Variants in DNAH9 observed in about 807,000 individuals in gnomAD.
The protein encoded by DNAH9 is dynein axonemal heavy chain 9.
Under a neutral mutation model 471.6 loss-of-function variants are expected in DNAH9, and 345 were observed. The observed-to-expected ratio is 0.73, with a 90% CI of 0.67 to 0.80. The LOEUF is 0.80. Among genes scored for constraint, DNAH9 ranks in the 30% least tolerant of loss-of-function variants. DNAH9 has a pLI of 0.00. For synonymous variants in DNAH9, 2,093 were observed against 2,123.6 expected, an observed-to-expected ratio of 0.99 and a Z score of 0.40; for missense variants, 5,407 against 5,609.2, an observed-to-expected ratio of 0.96 and a Z score of 1.15.
intron 14 of DNAH9, among the ~76,000 whole-genome samples, chr17:11,663,683 A>G (rs954891607): frequency 2.6e-5 from 4 of 152,254 alleles, no homozygotes; most frequent in African/African-American, 9.6e-5. Flanking sequence ...GAGGCAGTAA[A>G]CAAAGGTGAA....
chr17:11,640,462 C>T (rs1019624691), intron 10 of DNAH9, 78 bp downstream of exon 10: 5 of 986,970 alleles, frequency 5.1e-6, no homozygotes, highest in African/African-American at 1.6e-5. Flanking sequence ...TGTAGAAATG[C>T]AACCTGCTTA....
At chr17:11,964,287 C>T (rs1280405042) in intron 68 of DNAH9, among the ~76,000 whole-genome samples, 2 of 152,122 alleles carry the variant, frequency 1.3e-5, no homozygotes, top group African/African-American at 2.4e-5. Flanking sequence ...CAAGCCACAG[C>T]TATTAATAGA....
intron 53 of DNAH9, among the ~76,000 whole-genome samples, chr17:11,878,534 G>A (rs940413817): frequency 2.0e-5 from 3 of 149,766 alleles, no homozygotes; most frequent in Non-Finnish European, 4.4e-5. Context: ...TACATTTTTA[G>A]TTTTTAGTTT....
intron 49 of DNAH9, among the ~76,000 whole-genome samples, chr17:11,836,331 A>G (rs1352677696): frequency 2.9e-4 from 44 of 152,180 alleles, no homozygotes; most frequent in Admixed American, 2.7e-3. Context: ...AAATCCTATT[A>G]TAGATGGTTA....
At chr17:11,717,358 C>T (rs967949352) in intron 26 of DNAH9, among the ~76,000 whole-genome samples, 6 of 148,574 alleles carry the variant, frequency 4.0e-5, no homozygotes, top group Non-Finnish European at 7.4e-5. Context: ...CATAGTGAGA[C>T]CCCGTCTCTA....
At chr17:11,885,807 G>A (rs926536401) in intron 56 of DNAH9, among the ~76,000 whole-genome samples, 1 of 152,248 alleles carries the variant, frequency 6.6e-6, no homozygotes, top group South Asian at 2.1e-4. Flanking sequence ...CCTTCTGATT[G>A]TTCCCTTTTG....
intron 23 of DNAH9, 31 bp downstream of exon 23, chr17:11,699,914 C>T (rs953240357): frequency 6.2e-7 from 1 of 1,610,358 alleles, no homozygotes; most frequent in Non-Finnish European, 8.5e-7. Context: ...CCTCCTTCTG[C>T]TTTTCTCTCT....
chr17:11,900,363 C>T (rs902100528), intron 59 of DNAH9, among the ~76,000 whole-genome samples: 6 of 151,874 alleles, frequency 4.0e-5, no homozygotes, highest in South Asian at 2.1e-4. Context: ...CTGCAAGCCC[C>T]GGTCACATGC....
intron 53 of DNAH9, among the ~76,000 whole-genome samples, chr17:11,878,034 AAT>A (rs1972569118): frequency 6.6e-6 from 1 of 152,144 alleles, no homozygotes; most frequent in East Asian, 1.9e-4. Flanking sequence ...GCGCCCGGCC[AAT>A]ATGATATATT....
intron 67 of DNAH9, 90 bp from the exon 68 acceptor site, chr17:11,961,776 TG>T: frequency 7.0e-7 from 1 of 1,433,640 alleles, no homozygotes; most frequent in Non-Finnish European, 9.4e-7. Flanking sequence ...CTTGTCTGCC[TG>T]GGTGCCATGA....
chr17:11,603,904 A>G (rs2072440695), intron 1 of DNAH9, among the ~76,000 whole-genome samples: 1 of 152,142 alleles, frequency 6.6e-6, no homozygotes. Context: ...CGTTTGTCAT[A>G]GCTCATGATC....
chr17:11,919,426 T>C (rs1343971402), intron 61 of DNAH9, among the ~76,000 whole-genome samples: 3 of 137,206 alleles, frequency 2.2e-5, no homozygotes, highest in East Asian at 2.1e-4. Context: ...ACCCGGGAGG[T>C]AGAGCTTGCA....
At chr17:11,708,957 G>A (rs888850266) in intron 26 of DNAH9, among the ~76,000 whole-genome samples, 1 of 152,116 alleles carries the variant, frequency 6.6e-6, no homozygotes, top group African/African-American at 2.4e-5. Flanking sequence ...TGATTCCTGA[G>A]CCTCTAGATA....
chr17:11,693,548 G>A (rs1286611467), intron 20 of DNAH9, among the ~76,000 whole-genome samples: 4 of 152,088 alleles, frequency 2.6e-5, no homozygotes, highest in East Asian at 1.9e-4. Flanking sequence ...TGTGAGCCAC[G>A]GCGCCCGGTC....
Position 11,784,330 on chromosome 17 carries a change from C to G in DNAH9, c.7852C>G (p.Pro2618Ala), listed in dbSNP as rs752803837. Residue 2618 changes from proline (P) to alanine (A), a missense_variant, in exon 41 of 69, where the codon CCG (proline) becomes GCG (alanine). Around this residue, in one of 3 missense-constraint regions of DNAH9, gnomAD observed 4,636 missense variants for 4,900.3 expected, o/e 0.95. Transcript: ENST00000262442. ...CTTCAGCGTGTTTGTCCTCTCCTTC[C>G]CGGGGGCAGATGCCCTGTCCTCTAT... ...RHFSVFVLSF[P>A]GADALSSIYS... 6.2e-7 allele frequency: 1 copy of G among 1,614,176 alleles called. No individual in the cohort carries two copies. Among genetic ancestry groups the G allele is most frequent in the Non-Finnish European group, 8.5e-7 (1 of 1,180,040 alleles).
intron 58 of DNAH9, 121 bp from the exon 59 acceptor site, chr17:11,894,253 C>T (rs1973154660): frequency 7.2e-7 from 1 of 1,398,136 alleles, no homozygotes; most frequent in African/African-American, 1.4e-5. Context: ...ATTAAACAAC[C>T]AAAATTGATG....
chr17:11,830,722 A>C (rs1200616983), intron 48 of DNAH9, among the ~76,000 whole-genome samples: 1 of 152,244 alleles, frequency 6.6e-6, no homozygotes, highest in Non-Finnish European at 1.5e-5. Flanking sequence ...GCAAAACAAC[A>C]AAATAAAATA....
intron 28 of DNAH9, among the ~76,000 whole-genome samples, chr17:11,730,184 C>T (rs187973128): frequency 6.6e-6 from 1 of 152,288 alleles, no homozygotes; most frequent in East Asian, 1.9e-4. Flanking sequence ...AAATGGCTAG[C>T]CTGGACACTC....
intron 24 of DNAH9, among the ~76,000 whole-genome samples, chr17:11,703,102 A>G (rs557240496): frequency 1.5e-3 from 228 of 151,430 alleles, no homozygotes; most frequent in Non-Finnish European, 2.4e-3. Context: ...AAAAAAAAAA[A>G]AAAAGAAAAG....
Sources: allele counts gnomAD v4.1 joint callset (sites outside exome capture counted in the v4.1 genomes callset), GRCh38; gene constraint gnomAD v4.1.1; regional missense constraint gnomAD v4.1.1; transcripts MANE v1.5; gene names NCBI Gene and HGNC (gene_info 2026-07-23, HGNC 2026-07-21).